PMS1: variants seen among roughly 807,000 people sequenced by gnomAD.
The protein encoded by PMS1 is PMS1 protein homolog 1.
PMS1 carries 79 observed loss-of-function variants against 93.1 expected under a neutral mutation model. The ratio of observed to expected loss-of-function variants is 0.85; its 90% CI spans 0.71 to 1.02. PMS1 has a LOEUF of 1.02. Among genes scored for constraint, PMS1 ranks in the 50% least tolerant of loss-of-function variants. PMS1 has a pLI of 0.00. For missense variants in PMS1, 1,064 were observed against 1,085.3 expected, an observed-to-expected ratio of 0.98 and a Z score of 0.28; for synonymous variants, 335 against 363.4, an observed-to-expected ratio of 0.92 and a Z score of 0.89.
At chr2:189,869,624 C>T (rs2056962837) in intron 11 of PMS1, among the ~76,000 whole-genome samples, 1 of 151,966 alleles carries the variant, frequency 6.6e-6, no homozygotes, top group Admixed American at 6.6e-5. Flanking sequence ...CAAGACCAGC[C>T]TGGCCAACAC....
chr2:189,792,015 G>A (rs2048913027), intron 2 of PMS1, 74 bp downstream of exon 2: 2 of 1,297,536 alleles, frequency 1.5e-6, no homozygotes, highest in East Asian at 4.8e-5. Flanking sequence ...TCCTTAAACT[G>A]TTACCTTTAT....
At chr2:189,792,687 A>AT (rs1402994515) in intron 2 of PMS1, among the ~76,000 whole-genome samples, 4 of 111,982 alleles carry the variant, frequency 3.6e-5, no homozygotes, top group South Asian at 5.6e-4. Context: ...ATATGGACAC[A>AT]AATATATATA....
chr2:189,846,726 ATTTCATCTTGCAC>A (rs1278954826), intron 6 of PMS1, among the ~76,000 whole-genome samples: 1 of 152,144 alleles, frequency 6.6e-6, no homozygotes, highest in Admixed American at 6.5e-5. Context: ...CCTGAGAATG[ATTTCATCTTGCAC>A]TTTCGCTTGT....
chr2:189,839,175 A>G (rs1178711299), intron 5 of PMS1, among the ~76,000 whole-genome samples: 1 of 151,978 alleles, frequency 6.6e-6, no homozygotes, highest in Non-Finnish European at 1.5e-5. Context: ...TGTTTTTAGT[A>G]GAGATGGGGT....
chr2:189,787,178 A>G (rs1481677138), intron 1 of PMS1, among the ~76,000 whole-genome samples: 1 of 152,226 alleles, frequency 6.6e-6, no homozygotes, highest in Non-Finnish European at 1.5e-5. Context: ...CCTAAAGTCC[A>G]GAAAAAAAGT....
chr2:189,873,149 C>G (rs968574966), intron 11 of PMS1, among the ~76,000 whole-genome samples: 39 of 152,262 alleles, frequency 2.6e-4, no homozygotes, highest in African/African-American at 8.4e-4. Context: ...ATTTGAAGAG[C>G]AGCAGTTGTT....
At chr2:189,822,055 C>T (rs1406117084) in intron 5 of PMS1, among the ~76,000 whole-genome samples, 1 of 152,128 alleles carries the variant, frequency 6.6e-6, no homozygotes, top group Admixed American at 6.5e-5. Context: ...GGTGGCGCCT[C>T]GGGCCTCCAC....
intron 5 of PMS1, among the ~76,000 whole-genome samples, chr2:189,821,514 T>G (rs953091454): frequency 7.1e-6 from 1 of 140,226 alleles, no homozygotes; most frequent in Non-Finnish European, 1.5e-5. Flanking sequence ...AGTTAGAAAA[T>G]ATAATAAGTG....
rs1423414069 is a variant in PMS1, at chr2:189,873,547, T to TC, written c.2528dup (p.Phe844IlefsTer12). 1 of 1,598,226 alleles carries TC rather than the reference T, an allele frequency of 6.3e-7. No homozygotes were observed. Among genetic ancestry groups the TC allele is most frequent in the Non-Finnish European group, 8.6e-7 (1 of 1,165,706 alleles). ...GAAATAGAAGGAATGGCTAATTGTC[T>TC]CCCATTCTATGGAGTAGCAGATTTA... On this transcript the variant is annotated frameshift_variant, in exon 12 of 13. Transcript: ENST00000441310. LOFTEE classifies it high-confidence loss of function.
chr2:189,798,787 T>C (rs950087019), intron 3 of PMS1, among the ~76,000 whole-genome samples: 3 of 150,846 alleles, frequency 2.0e-5, no homozygotes, highest in African/African-American at 7.3e-5. Context: ...TTAGCTGTTG[T>C]TCAAACTTGA....
chr2:189,785,625 A>G (rs2048240117), intron 1 of PMS1, among the ~76,000 whole-genome samples: 3 of 152,202 alleles, frequency 2.0e-5, no homozygotes, highest in Admixed American at 2.0e-4. Context: ...TTAATAGAGT[A>G]ACTTGTGATG....
intron 9 of PMS1, among the ~76,000 whole-genome samples, chr2:189,859,930 T>C (rs934703673): frequency 2.6e-5 from 4 of 152,212 alleles, no homozygotes; most frequent in South Asian, 2.1e-4. Flanking sequence ...CAAAAAATTT[T>C]CCTTAATGTT....
chr2:189,812,039 G>A (rs886765982), intron 4 of PMS1, among the ~76,000 whole-genome samples: 10 of 152,012 alleles, frequency 6.6e-5, no homozygotes, highest in Non-Finnish European at 8.8e-5. Flanking sequence ...GGTGGCTCAC[G>A]CCTGTAATCC....
At chr2:189,823,844 G>A (rs895172820) in intron 5 of PMS1, among the ~76,000 whole-genome samples, 34 of 151,994 alleles carry the variant, frequency 2.2e-4, no homozygotes, top group African/African-American at 7.5e-4. Context: ...GGGGTGTATC[G>A]TTTCCCACAT....
chr2:189,826,547 A>G, intron 5 of PMS1, among the ~76,000 whole-genome samples: 1 of 151,766 alleles, frequency 6.6e-6, no homozygotes, highest in Non-Finnish European at 1.5e-5. Flanking sequence ...TTTCACCTAA[A>G]TTTTGTGAAA....
rs148424909 is a variant in PMS1 at position 189,877,117 on chromosome 2, C to T, written c.2635-155C>T. On this transcript the variant is annotated intron_variant, in intron 12 of 12. Coordinates refer to ENST00000441310, the MANE Select transcript of PMS1 (RefSeq NM_000534.5). ...TGTTTTTTGGTTCACCACTACATCC[C>T]GAGAGCTGACAACATAGTTGATACT... is the stretch of plus-strand genomic sequence containing the variant. 5.1e-3 allele frequency among the ~76,000 whole-genome samples: 779 copies of T among 152,222 alleles called. 7 individuals are homozygous for T. Among genetic ancestry groups the T allele is most frequent in the African/African-American group, 0.018 (733 of 41,530 alleles).
chr2:189,868,358 C>T (rs1376399616), intron 11 of PMS1, among the ~76,000 whole-genome samples: 2 of 152,158 alleles, frequency 1.3e-5, no homozygotes, highest in Non-Finnish European at 2.9e-5. Flanking sequence ...AGCAGTTGTA[C>T]TATATGGAGA....
rs1307927719 is a variant in PMS1 at position 189,810,994 on chromosome 2, C to A, written c.418+5240C>A. 9.0e-5 allele frequency among the ~76,000 whole-genome samples: 13 copies of A among 144,682 alleles called. No homozygotes were observed. In the East Asian group the frequency reaches 1.6e-3, roughly 18 times the overall value. The allele number at this position is 144,682 out of a possible 152,430, so 94.9% of individuals were successfully genotyped here. A position where few individuals can be genotyped will look rare whatever the true frequency, so the allele number is the denominator to read the frequency against. Reference sequence around the variant, plus strand: ...GAATTAACAGACAAAAAAAAAAAAACTTATGTTAAAGAATTTAGAAGAAAA... The same window carrying A: ...GAATTAACAGACAAAAAAAAAAAAAATTATGTTAAAGAATTTAGAAGAAAA... On this transcript the variant is annotated intron_variant, in intron 4 of 12. Transcript: ENST00000441310.
At chr2:189,862,391 T>C (rs1020523267) in intron 9 of PMS1, among the ~76,000 whole-genome samples, 27 of 152,212 alleles carry the variant, frequency 1.8e-4, no homozygotes, top group African/African-American at 6.3e-4. Context: ...TATGATAATC[T>C]TTTAAGACCT....
Sources: allele counts gnomAD v4.1 joint callset (sites outside exome capture counted in the v4.1 genomes callset), GRCh38; gene constraint gnomAD v4.1.1; transcripts MANE v1.5; gene names NCBI Gene and HGNC (gene_info 2026-07-23, HGNC 2026-07-21).